Variants in CNTNAP2 observed in about 807,000 individuals in gnomAD.
The protein encoded by CNTNAP2 is contactin associated protein 2.
CNTNAP2 carries 98 observed loss-of-function variants against 155.2 expected under a neutral mutation model. That is an observed-to-expected ratio of 0.63 (90% CI 0.54 to 0.75). CNTNAP2 has a LOEUF of 0.75. CNTNAP2 is among the 30% of genes least tolerant of loss of function. The pLI is 0.00. For missense variants in CNTNAP2, 1,727 were observed against 1,688.1 expected, an observed-to-expected ratio of 1.02 and a Z score of -0.40; for synonymous variants, 651 against 631.2, an observed-to-expected ratio of 1.03 and a Z score of -0.47.
At chr7:146,559,695 A>G (rs752436760) in intron 1 of CNTNAP2, among the ~76,000 whole-genome samples, 8 of 152,206 alleles carry the variant, frequency 5.3e-5, no homozygotes, top group Non-Finnish European at 1.0e-4. Flanking sequence ...TTTGAATATC[A>G]TAAGTTTGAT....
chr7:147,927,286 G>A (rs988321269), intron 14 of CNTNAP2, among the ~76,000 whole-genome samples: 1 of 152,152 alleles, frequency 6.6e-6, no homozygotes, highest in Admixed American at 6.6e-5. Flanking sequence ...CTGAGTAGAT[G>A]ACAGTCGCCA....
chr7:146,769,636 T>C (rs1003465046), intron 1 of CNTNAP2, among the ~76,000 whole-genome samples: 4 of 152,200 alleles, frequency 2.6e-5, no homozygotes, highest in African/African-American at 9.6e-5. Context: ...ATTCTATTCA[T>C]TAATTATATG....
intron 13 of CNTNAP2, among the ~76,000 whole-genome samples, chr7:147,834,495 G>T (rs1798603687): frequency 6.6e-6 from 1 of 152,110 alleles, no homozygotes; most frequent in African/African-American, 2.4e-5. Context: ...TTTAATAGCT[G>T]TCTTTCTTCT....
At chr7:146,989,063 T>C (rs767801082) in intron 3 of CNTNAP2, among the ~76,000 whole-genome samples, 1 of 152,164 alleles carries the variant, frequency 6.6e-6, no homozygotes, top group Non-Finnish European at 1.5e-5. Context: ...ATATCACAAT[T>C]GTCTTTTCCC....
At chr7:146,927,018 G>C (rs970542689) in intron 3 of CNTNAP2, among the ~76,000 whole-genome samples, 1 of 152,160 alleles carries the variant, frequency 6.6e-6, no homozygotes, top group Admixed American at 6.5e-5. Context: ...AAAGAATGTT[G>C]ACAGAAGAGC....
At chr7:148,043,155 C>G (rs1338988418) in intron 15 of CNTNAP2, among the ~76,000 whole-genome samples, 2 of 152,334 alleles carry the variant, frequency 1.3e-5, no homozygotes, top group Non-Finnish European at 1.5e-5. Flanking sequence ...CAGTGAGTCA[C>G]AGTGTCACTA....
chr7:147,544,125 C>T (rs1251906798), intron 11 of CNTNAP2, among the ~76,000 whole-genome samples: 2 of 152,108 alleles, frequency 1.3e-5, no homozygotes, highest in East Asian at 1.9e-4. Context: ...TAACCTATTA[C>T]CAAAGCCATC....
intron 1 of CNTNAP2, among the ~76,000 whole-genome samples, chr7:146,325,281 G>T (rs1801077563): frequency 6.6e-6 from 1 of 151,992 alleles, no homozygotes; most frequent in African/African-American, 2.4e-5. Flanking sequence ...ATCTTGATGA[G>T]TTTTAAAAAA....
chr7:146,149,338 A>G (rs925468377), intron 1 of CNTNAP2, among the ~76,000 whole-genome samples: 2 of 152,170 alleles, frequency 1.3e-5, no homozygotes, highest in Admixed American at 6.6e-5. Context: ...ATTCAAATTC[A>G]TATTTGTTTG....
intron 13 of CNTNAP2, among the ~76,000 whole-genome samples, chr7:147,892,206 T>C (rs1199157002): frequency 6.6e-6 from 1 of 152,152 alleles, no homozygotes; most frequent in Non-Finnish European, 1.5e-5. Flanking sequence ...CATAAAAGCG[T>C]TTTCTTTAAA....
At chr7:146,399,146 G>T (rs552470101) in intron 1 of CNTNAP2, among the ~76,000 whole-genome samples, 1 of 152,186 alleles carries the variant, frequency 6.6e-6, no homozygotes, top group Admixed American at 6.5e-5. Flanking sequence ...GATAAATAAA[G>T]CTAATTGTCA....
intron 8 of CNTNAP2, among the ~76,000 whole-genome samples, chr7:147,289,258 G>A (rs1310600612): frequency 3.3e-5 from 5 of 151,934 alleles, no homozygotes; most frequent in South Asian, 2.1e-4. Flanking sequence ...CAGACTTAAC[G>A]GCTTTACCAC....
intron 12 of CNTNAP2, among the ~76,000 whole-genome samples, chr7:147,630,942 T>C (rs2116909879): frequency 6.6e-6 from 1 of 151,982 alleles, no homozygotes; most frequent in Middle Eastern, 3.4e-3. Context: ...CCACCACCTC[T>C]ATTTAACATA....
At chr7:147,683,920 T>C (rs1189463181) in intron 13 of CNTNAP2, among the ~76,000 whole-genome samples, 1 of 151,682 alleles carries the variant, frequency 6.6e-6, no homozygotes, top group African/African-American at 2.4e-5. Flanking sequence ...ATTCAAATTG[T>C]AAAGGCACAC....
At chr7:147,683,509 A>G (rs1313365445) in intron 13 of CNTNAP2, among the ~76,000 whole-genome samples, 1 of 151,838 alleles carries the variant, frequency 6.6e-6, no homozygotes, top group Non-Finnish European at 1.5e-5. Flanking sequence ...TCTTACTTTA[A>G]TCAATATTTC....
chr7:147,427,534 C>G (rs10281923), intron 10 of CNTNAP2, among the ~76,000 whole-genome samples: 2 of 151,908 alleles, frequency 1.3e-5, no homozygotes, highest in African/African-American at 2.4e-5. Flanking sequence ...AGGAGGCCCC[C>G]GTCATGGAGA....
At chr7:147,635,359 A>G (rs1355267258) in intron 12 of CNTNAP2, among the ~76,000 whole-genome samples, 1 of 151,834 alleles carries the variant, frequency 6.6e-6, no homozygotes. Context: ...CGTGGGTTCA[A>G]GTGATCCTCC....
intron 2 of CNTNAP2, among the ~76,000 whole-genome samples, chr7:146,796,779 T>C (rs1304680276): frequency 6.6e-6 from 1 of 152,002 alleles, no homozygotes; most frequent in Non-Finnish European, 1.5e-5. Context: ...TTGTGGGGAT[T>C]ACATAAGTTA....
intron 11 of CNTNAP2, among the ~76,000 whole-genome samples, chr7:147,553,172 G>A (rs995176364): frequency 6.6e-6 from 1 of 152,180 alleles, no homozygotes; most frequent in Non-Finnish European, 1.5e-5. Context: ...AGAAGCAGGA[G>A]TTCCCCTAGA....
Sources: allele counts gnomAD v4.1 joint callset (sites outside exome capture counted in the v4.1 genomes callset), GRCh38; gene constraint gnomAD v4.1.1; transcripts MANE v1.5; gene names NCBI Gene and HGNC (gene_info 2026-07-23, HGNC 2026-07-21).